Variants in CACNA1B observed in about 807,000 individuals in gnomAD.
CACNA1B encodes the protein voltage-dependent N-type calcium channel subunit alpha-1B.
In CACNA1B, 70 loss-of-function variants were observed where a neutral mutation model predicts 247.2. The ratio of observed to expected loss-of-function variants is 0.28; its 90% CI spans 0.23 to 0.35. The LOEUF (loss-of-function observed/expected upper bound fraction) is 0.35, where lower values mean the gene tolerates loss of function less well. CACNA1B is among the 10% of genes least tolerant of loss of function. The probability of loss-of-function intolerance (pLI) is 1.00; values close to 1 mark genes in which losing one functional copy is unlikely to be tolerated. For synonymous variants in CACNA1B, 1,231 were observed against 1,294.4 expected, an observed-to-expected ratio of 0.95 and a Z score of 1.05; for missense variants, 2,367 against 3,197.4, an observed-to-expected ratio of 0.74 and a Z score of 6.26.
chr9:137,881,394 C>T lies in CACNA1B; in HGVS notation c.391-1350C>T, dbSNP rs745364383. Among the ~76,000 whole-genome samples, 64 of 152,244 alleles carry T rather than the reference C, an allele frequency of 4.2e-4. No homozygotes were observed. The highest frequency in any genetic ancestry group is 6.8e-3 in the Middle Eastern group (2 of 294). ...GTGGGAGTCAGATGCGGAGAGCCCT[C>T]GAGAGCCTGGCTTCCTGGGGAGGAA... On this transcript the variant is annotated intron_variant, in intron 2 of 46. Transcript: ENST00000371372. The surrounding 1 kb of genome is among the most constrained non-coding windows in gnomAD (Gnocchi z 4.3).
At chr9:137,948,699 T>C (rs1439663809) in intron 6 of CACNA1B, among the ~76,000 whole-genome samples, 2 of 150,356 alleles carry the variant, frequency 1.3e-5, no homozygotes, top group Admixed American at 1.3e-4. Context: ...CATGTGTGTG[T>C]GTCTGGTGTG....
chr9:137,928,763 G>GTATCCAT lies in CACNA1B; in HGVS notation c.966+11333_966+11339dup, dbSNP rs955420713. Among the ~76,000 whole-genome samples, 4 of 152,272 alleles carry GTATCCAT rather than the reference G, an allele frequency of 2.6e-5. No homozygotes were observed. In the East Asian group the frequency reaches 7.7e-4, roughly 29 times the overall value. On this transcript the variant is annotated intron_variant, in intron 6 of 46. Transcript: ENST00000371372. ...TTTCATTAACCAAAAAAGAAGCCCT[G>GTATCCAT]TATCCATGAGCCATCAGTCCCTATT...
At chr9:138,110,020 C>T (rs747750449) in intron 39 of CACNA1B, among the ~76,000 whole-genome samples, 18 of 152,042 alleles carry the variant, frequency 1.2e-4, no homozygotes, top group Non-Finnish European at 2.5e-4. Flanking sequence ...TGCCACTGTA[C>T]TCCAGCCTTG....
intron 10 of CACNA1B, among the ~76,000 whole-genome samples, chr9:137,960,054 G>T (rs1957993264): frequency 6.7e-6 from 1 of 149,882 alleles, no homozygotes; most frequent in Admixed American, 6.6e-5. Flanking sequence ...AGGGACGCCG[G>T]GGCGGGGGAG....
At position 138,042,722 on chromosome 9, in the gene CACNA1B, G is replaced by A. The variant is rs990144179; in HGVS notation, c.3287-1052G>A. ...TCTTGGCTCTGGAGCCAGCATCCTC[G>A]GTGGTATAGACCCCACTGCTGTGGC... is the stretch of plus-strand genomic sequence containing the variant. On this transcript the variant is annotated intron_variant, in intron 20 of 46. Transcript: ENST00000371372. Among the ~76,000 whole-genome samples, 4 of 152,260 alleles carry A rather than the reference G, an allele frequency of 2.6e-5. No individual in the cohort carries two copies. In the South Asian group the frequency reaches 6.2e-4, roughly 24 times the overall value.
At chr9:137,998,220 TA>T (rs1958522007) in intron 15 of CACNA1B, among the ~76,000 whole-genome samples, 1 of 152,180 alleles carries the variant, frequency 6.6e-6, no homozygotes, top group Admixed American at 6.5e-5. Flanking sequence ...AGAGGTTTGT[TA>T]AATTATTCAT....
chr9:137,892,250 A>C (rs556858513), intron 3 of CACNA1B: 81 of 456,788 alleles, frequency 1.8e-4, no homozygotes, highest in Middle Eastern at 6.5e-4. Context: ...TCAGTCCTGG[A>C]GGCTGGAGGT....
chr9:138,055,393 G>A (rs1225466611), intron 26 of CACNA1B, among the ~76,000 whole-genome samples: 1 of 152,100 alleles, frequency 6.6e-6, no homozygotes, highest in East Asian at 1.9e-4. Flanking sequence ...GCCTCCTAGA[G>A]TGCTGGGATT....
At chr9:138,084,274 C>T (rs1960623016) in intron 36 of CACNA1B, among the ~76,000 whole-genome samples, 1 of 151,246 alleles carries the variant, frequency 6.6e-6, no homozygotes, top group Non-Finnish European at 1.5e-5. Context: ...AGCACCTGCA[C>T]CTGGAACCCA....
intron 6 of CACNA1B, among the ~76,000 whole-genome samples, chr9:137,930,423 T>A (rs1027099603): frequency 6.6e-6 from 1 of 152,256 alleles, no homozygotes; most frequent in African/African-American, 2.4e-5. Context: ...TGTTATTAAT[T>A]TCTAGTTTGA....
intron 15 of CACNA1B, among the ~76,000 whole-genome samples, chr9:138,002,980 TA>T (rs1284057052): frequency 1.3e-5 from 2 of 151,642 alleles, no homozygotes; most frequent in African/African-American, 4.8e-5. Flanking sequence ...TTTGTATTTT[TA>T]GTAGACAGGG....
chr9:138,121,477 T>C lies in CACNA1B; in HGVS notation c.6498T>C (p.Gly2166=). Residue 2166 remains glycine, a synonymous_variant, in exon 47 of 47, where the codon GGT becomes GGC. Transcript: ENST00000371372. This position sits in a 1 kb window ranked among gnomAD's most constrained non-coding sequence, Gnocchi z 6.8. ...QEPGPHPQGS[G]SVNGSPLLST... is the part of the protein sequence containing the mutation. ...GGTCCATTTTCATGTAGGGCAGTGG[T>C]TCCGTGAATGGGAGCCCCTTGCTGT... 6.6e-7 allele frequency: 1 copy of C among 1,514,648 alleles called. No homozygotes were observed. Among genetic ancestry groups the C allele is most frequent in the Non-Finnish European group, 8.8e-7 (1 of 1,131,856 alleles). 93.8% of individuals were successfully genotyped at this position (1,514,648 alleles called of 1,614,324 possible). A position where few individuals can be genotyped will look rare whatever the true frequency, so the allele number is the denominator to read the frequency against.
At chr9:138,027,419 AAACTTCTGCAAATATACTTCT>A (rs1564246146) in intron 20 of CACNA1B, among the ~76,000 whole-genome samples, 1 of 152,210 alleles carries the variant, frequency 6.6e-6, no homozygotes, top group African/African-American at 2.4e-5. Flanking sequence ...TATATTATCA[AAACTTCTGCAAATATACTTCT>A]AACTCTTTCT....
chr9:137,925,781 C>T (rs951404577), intron 6 of CACNA1B, among the ~76,000 whole-genome samples: 18 of 149,694 alleles, frequency 1.2e-4, no homozygotes, highest in African/African-American at 3.7e-4. Context: ...CTTGCTCTGT[C>T]GCCCAGGCTG....
chr9:137,953,637 C>A (rs912473870), intron 7 of CACNA1B, among the ~76,000 whole-genome samples: 1 of 152,072 alleles, frequency 6.6e-6, no homozygotes, highest in African/African-American at 2.4e-5. Flanking sequence ...GAGGAGGCAC[C>A]GGGGGAGGGA....
chr9:138,084,066 C>A (rs547415264), intron 36 of CACNA1B, among the ~76,000 whole-genome samples: 1 of 150,958 alleles, frequency 6.6e-6, no homozygotes, highest in Admixed American at 6.6e-5. Context: ...GCCCCCACCC[C>A]GCCCAGGAGT....
chr9:138,008,919 C>G (rs1958688821), intron 16 of CACNA1B, among the ~76,000 whole-genome samples: 1 of 152,226 alleles, frequency 6.6e-6, no homozygotes, highest in Non-Finnish European at 1.5e-5. Flanking sequence ...CCAGCAGGGC[C>G]TGGGCTGAGA....
At chr9:137,922,887 C>T (rs566167853) in intron 6 of CACNA1B, among the ~76,000 whole-genome samples, 1 of 152,314 alleles carries the variant, frequency 6.6e-6, no homozygotes, top group South Asian at 2.1e-4. Context: ...ATCTCCATCC[C>T]TGCAGGGGTC....
At chr9:138,042,318 C>T (rs889266878) in intron 20 of CACNA1B, among the ~76,000 whole-genome samples, 4 of 152,136 alleles carry the variant, frequency 2.6e-5, no homozygotes, top group Non-Finnish European at 4.4e-5. Flanking sequence ...GGTGTGTTGG[C>T]GTGCGCCTGT....
Sources: allele counts gnomAD v4.1 joint callset (sites outside exome capture counted in the v4.1 genomes callset), GRCh38; gene constraint gnomAD v4.1.1; non-coding constraint Gnocchi (gnomAD v3.1); transcripts MANE v1.5; gene names NCBI Gene and HGNC (gene_info 2026-07-23, HGNC 2026-07-21).